MTREX: variants seen among roughly 807,000 people sequenced by gnomAD.
The protein encoded by MTREX is Mtr4 exosome RNA helicase.
Under a neutral mutation model 135.4 loss-of-function variants are expected in MTREX, and 76 were observed. The ratio of observed to expected loss-of-function variants is 0.56; its 90% CI spans 0.47 to 0.68. The LOEUF (loss-of-function observed/expected upper bound fraction) is 0.68. Ranked by LOEUF, MTREX falls within the 30% of genes least tolerant of loss-of-function variation. The probability of loss-of-function intolerance (pLI) is 0.00; values close to 1 mark genes in which losing one functional copy is unlikely to be tolerated. For missense variants in MTREX, 920 were observed against 1,262.1 expected, an observed-to-expected ratio of 0.73 and a Z score of 4.11; for synonymous variants, 404 against 401.6, an observed-to-expected ratio of 1.01 and a Z score of -0.07.
rs774577883 is a variant in MTREX, at chr5:55,417,051, T to C, written c.2971+919T>C. 5.9e-5 allele frequency among the ~76,000 whole-genome samples: 9 copies of C among 152,204 alleles called. No individual in the cohort carries two copies. The South Asian group carries it at 1.9e-3, about 32-fold the overall frequency. On this transcript the variant is annotated intron_variant, in intron 25 of 26. Transcript: ENST00000230640. Reference sequence around the variant, plus strand: ...ATTAAAAACTTAAACTGAGGGCCTTTACTACATTGAACTTTATGGGTTTTA... The same window carrying C: ...ATTAAAAACTTAAACTGAGGGCCTTCACTACATTGAACTTTATGGGTTTTA...
chr5:55,316,082 C>A (rs1031915257), intron 1 of MTREX, among the ~76,000 whole-genome samples: 1 of 152,052 alleles, frequency 6.6e-6, no homozygotes, highest in Non-Finnish European at 1.5e-5. Context: ...CAAGACTGAG[C>A]CAGGAAGAAA....
chr5:55,388,083 A>G lies in MTREX; in HGVS notation c.2162A>G (p.Asp721Gly), dbSNP rs1219776217. The G allele has an allele frequency of 5.0e-6, 8 of 1,606,652 alleles. No homozygotes were observed. The highest frequency in any genetic ancestry group is 6.8e-6 in the Non-Finnish European group (8 of 1,174,994). The change falls in exon 19 of 27, where the codon GAT becomes GGT. Residue 721 changes from aspartate to glycine, a missense_variant. Coordinates refer to ENST00000230640, the MANE Select transcript of MTREX (RefSeq NM_015360.5). Reference sequence around the variant, plus strand: ...GAAGCTGCAAAACCAGCTAAACCTGATGAGAAAGGAGAGATGCAGGTTTGT... The same window carrying G: ...GAAGCTGCAAAACCAGCTAAACCTGGTGAGAAAGGAGAGATGCAGGTTTGT... Reference protein sequence around the residue: ...ATEAAKPAKPDEKGEMQVVPV... With the variant: ...ATEAAKPAKPGEKGEMQVVPV...
chr5:55,355,405 A>G (rs1749894747), intron 14 of MTREX, among the ~76,000 whole-genome samples: 1 of 152,164 alleles, frequency 6.6e-6, no homozygotes, highest in Non-Finnish European at 1.5e-5. Flanking sequence ...TTCCCCAGGT[A>G]GCAGCAGTGA....
Position 55,411,675 on chromosome 5 carries a change from C to G in MTREX, c.2751+1046C>G, listed in dbSNP as rs369109859. Among the ~76,000 whole-genome samples, 6 of 152,224 alleles carry G rather than the reference C, an allele frequency of 3.9e-5. No homozygotes were observed. In the East Asian group the frequency reaches 9.6e-4, roughly 24 times the overall value. On this transcript the variant is annotated intron_variant, in intron 23 of 26. Coordinates refer to ENST00000230640, the MANE Select transcript of MTREX (RefSeq NM_015360.5). Reference sequence around the variant, plus strand: ...CAATGATAACAAATAGGACAATAATCCAAAAACAGTTTATGCTTTCCTGGG... The same window carrying G: ...CAATGATAACAAATAGGACAATAATGCAAAAACAGTTTATGCTTTCCTGGG...
At chr5:55,401,031 C>CGTGCGTG (rs1561209079) in intron 21 of MTREX, among the ~76,000 whole-genome samples, 5 of 152,042 alleles carry the variant, frequency 3.3e-5, no homozygotes, top group Admixed American at 2.0e-4. Flanking sequence ...GTGCGTGCGT[C>CGTGCGTG]CGTGCATGCG....
intron 23 of MTREX, 124 bp downstream of exon 23, chr5:55,410,753 C>CA (rs1750874156): frequency 4.3e-6 from 2 of 463,202 alleles, no homozygotes. Flanking sequence ...AATTGGAAAT[C>CA]ACAGCAACTT....
At chr5:55,358,435 A>G (rs544978080) in intron 14 of MTREX, 138 bp from the exon 15 acceptor site, 17 of 733,894 alleles carry the variant, frequency 2.3e-5, no homozygotes, top group Non-Finnish European at 3.1e-5. Context: ...ACTCTTCTCA[A>G]ACTTCATGTT....
At chr5:55,340,616 C>G (rs1749629306) in intron 6 of MTREX, among the ~76,000 whole-genome samples, 3 of 152,096 alleles carry the variant, frequency 2.0e-5, no homozygotes, top group Admixed American at 6.5e-5. Flanking sequence ...GAGTCTCGTT[C>G]TGTCTCGCAG....
chr5:55,361,188 T>A (rs1263352617), intron 15 of MTREX, among the ~76,000 whole-genome samples: 1 of 152,254 alleles, frequency 6.6e-6, no homozygotes, highest in Admixed American at 6.5e-5. Context: ...AAATAATTGA[T>A]CATTCTTAAG....
chr5:55,362,139 G>A (rs1269150871), intron 15 of MTREX, among the ~76,000 whole-genome samples: 1 of 107,880 alleles, frequency 9.3e-6, no homozygotes, highest in African/African-American at 3.7e-5. Flanking sequence ...TTGCCATGTT[G>A]CTAAGGCTTG....
Position 55,366,855 on chromosome 5 carries a change from C to T in MTREX, c.1790C>T (p.Ala597Val). ...TTCTACCAGTTTCAGCATTATAGAG[C>T]AATTCCAGGAGTAGTAGAGAGTAAG... The part of the protein sequence containing the change: ...KSFYQFQHYR[A>V]IPGVVEKVKN... Residue 597 changes from alanine (A) to valine (V), a missense_variant, in exon 16 of 27, where the codon GCA becomes GTA. Ala to Val is a moderately conservative substitution (Grantham distance 64). Around this residue, in one of 6 missense-constraint regions of MTREX, gnomAD observed 467 missense variants for 589.7 expected, o/e 0.79. Coordinates refer to ENST00000230640, the MANE Select transcript of MTREX (RefSeq NM_015360.5). The T allele has an allele frequency of 1.2e-6, 2 of 1,608,480 alleles. No individual in the cohort carries two copies. Among genetic ancestry groups the T allele is most frequent in the Non-Finnish European group, 1.7e-6 (2 of 1,177,112 alleles).
intron 6 of MTREX, among the ~76,000 whole-genome samples, chr5:55,341,259 A>G (rs1749644682): frequency 6.6e-6 from 1 of 152,216 alleles, no homozygotes; most frequent in Non-Finnish European, 1.5e-5. Context: ...AAATGGGCAA[A>G]CAGTCAGGGA....
At chr5:55,383,174 A>G (rs1296687927) in intron 18 of MTREX, among the ~76,000 whole-genome samples, 2 of 152,176 alleles carry the variant, frequency 1.3e-5, no homozygotes, top group Non-Finnish European at 2.9e-5. Context: ...ATGTATACAT[A>G]TTGTTTTATA....
chr5:55,425,526 T>C lies in MTREX; in HGVS notation c.*754T>C. 2 of 532,634 alleles carry C rather than the reference T, an allele frequency of 3.8e-6. No homozygotes were observed. Among genetic ancestry groups the C allele is most frequent in the Non-Finnish European group, 6.2e-6 (2 of 324,374 alleles). The allele number at this position is 532,634 out of a possible 1,614,324, so 33.0% of individuals were successfully genotyped here. A position where few individuals can be genotyped will look rare whatever the true frequency, so the allele number is the denominator to read the frequency against. On this transcript the variant is annotated 3_prime_UTR_variant, in exon 27 of 27. Transcript: ENST00000230640. ...TTCCAAATTAAGAGTTGCTTTGTTA[T>C]GCCTTCAGCAAATAGCTTCATTTTG...
intron 5 of MTREX, among the ~76,000 whole-genome samples, chr5:55,339,417 T>C (rs1310249313): frequency 6.6e-6 from 1 of 152,188 alleles, no homozygotes. Flanking sequence ...AGGAGCTGAA[T>C]CTTAAATAAG....
chr5:55,416,230 T>G, intron 25 of MTREX, 98 bp downstream of exon 25: 1 of 743,226 alleles, frequency 1.3e-6, no homozygotes, highest in South Asian at 2.2e-5. Flanking sequence ...TTTTTAATAT[T>G]TGGTAACTAA....
At chr5:55,349,744 T>C in intron 12 of MTREX, 92 bp downstream of exon 12, 1 of 716,940 alleles carries the variant, frequency 1.4e-6, no homozygotes, top group South Asian at 1.7e-5. Flanking sequence ...TCTATTGCAC[T>C]TTTCACACAC....
chr5:55,317,972 C>T (rs1191649951), intron 1 of MTREX, among the ~76,000 whole-genome samples: 1 of 152,140 alleles, frequency 6.6e-6, no homozygotes, highest in Non-Finnish European at 1.5e-5. Flanking sequence ...CATGAACAGA[C>T]ATTTCTCAAA....
intron 18 of MTREX, among the ~76,000 whole-genome samples, chr5:55,387,007 ATAATC>A (rs956154431): frequency 6.6e-6 from 1 of 152,142 alleles, no homozygotes; most frequent in African/African-American, 2.4e-5. Flanking sequence ...GCAGATAAAA[ATAATC>A]TAATCAAACT....
Sources: gnomAD v4.1 joint callset for allele counts (sites outside exome capture counted in the v4.1 genomes callset) on GRCh38, gnomAD v4.1.1 for gene constraint, gnomAD v4.1.1 regional missense constraint, MANE v1.5 for transcripts, NCBI Gene and HGNC (gene_info 2026-07-23, HGNC 2026-07-21) for gene names.